The following CYP4X1 variants were observed in gnomAD, a reference collection of about 807,000 sequenced individuals.
CYP4X1 encodes cytochrome P450 family 4 subfamily X member 1, also known as cytochrome P450 4X1.
Under a neutral mutation model 57.9 loss-of-function variants are expected in CYP4X1, and 44 were observed. The observed-to-expected ratio is 0.76, with a 90% CI of 0.60 to 0.98. CYP4X1 has a LOEUF of 0.98. Ranked by LOEUF, CYP4X1 falls within the 50% of genes least tolerant of loss-of-function variation. The pLI is 0.00. For synonymous variants in CYP4X1, 227 were observed against 228.6 expected (o/e 0.99, Z 0.06); for missense variants, 532 against 623.9 (o/e 0.85, Z 1.57).
the CYP4X1 span, among the ~76,000 whole-genome samples, chr1:46,993,679 G>A: frequency 8.7e-3 from 1,313 of 151,786 alleles, 24 homozygotes; most frequent in African/African-American, 0.03. Context: ...TTCTCTGATG[G>A]CCAGTGATGA....
At chr1:46,977,756 A>C in the CYP4X1 span, among the ~76,000 whole-genome samples, 102 of 152,266 alleles carry the variant, frequency 6.7e-4, no homozygotes, top group African/African-American at 2.3e-3. Flanking sequence ...AGGGAAGCCC[A>C]TCAGACTAAC....
the CYP4X1 span, among the ~76,000 whole-genome samples, chr1:46,991,250 G>A: frequency 6.6e-5 from 10 of 152,094 alleles, no homozygotes; most frequent in Admixed American, 2.0e-4. Flanking sequence ...ACTGGCCTAC[G>A]TTAAATTTTA....
chr1:46,975,199 T>C, the CYP4X1 span, among the ~76,000 whole-genome samples: 19 of 152,348 alleles, frequency 1.2e-4, no homozygotes, highest in East Asian at 3.3e-3. Flanking sequence ...ATATGTGCCT[T>C]TGATCCTGTC....
upstream of CYP4X1, among the ~76,000 whole-genome samples, chr1:47,021,080 T>C (rs1374104864): frequency 7.7e-6 from 1 of 130,670 alleles, no homozygotes; most frequent in Non-Finnish European, 1.5e-5. Context: ...TTTTTTGGTA[T>C]CTCCAATTCC....
the CYP4X1 span, among the ~76,000 whole-genome samples, chr1:46,984,931 G>A: frequency 4.1e-4 from 62 of 152,296 alleles, no homozygotes; most frequent in East Asian, 0.011. Context: ...CCACCCCCAC[G>A]GAGCCCAGCA....
intron 8 of CYP4X1, among the ~76,000 whole-genome samples, chr1:47,042,585 T>G (rs1644258521): frequency 6.6e-6 from 1 of 152,126 alleles, no homozygotes; most frequent in African/African-American, 2.4e-5. Flanking sequence ...GTACCCAATT[T>G]GTAGTCTTGT....
chr1:47,030,216 T>C lies in CYP4X1; in HGVS notation c.319+85T>C, dbSNP rs975474482. 7.9e-6 allele frequency: 12 copies of C among 1,514,792 alleles called. No individual in the cohort carries two copies. The Admixed American group carries it at 1.0e-4, about 13-fold the overall frequency. 93.8% of individuals were successfully genotyped at this position (1,514,792 alleles called of 1,614,324 possible). On this transcript the variant is annotated intron_variant, in intron 2 of 11. Coordinates refer to ENST00000371901, the MANE Select transcript of CYP4X1 (RefSeq NM_178033.2). Reference sequence around the variant, plus strand: ...CATAGGCAAGATTCCAAAGCAAAGATTGGTTTGGGGCCTTTAAGAGACACA... The same window carrying C: ...CATAGGCAAGATTCCAAAGCAAAGACTGGTTTGGGGCCTTTAAGAGACACA...
At chr1:47,029,448 G>T (rs1248874038) in intron 1 of CYP4X1, among the ~76,000 whole-genome samples, 2 of 152,154 alleles carry the variant, frequency 1.3e-5, no homozygotes, top group Non-Finnish European at 1.5e-5. Flanking sequence ...TCTGTTGTTG[G>T]GGGGAGAATT....
chr1:47,054,359 T>C (rs1241232566), downstream of CYP4X1, among the ~76,000 whole-genome samples: 6 of 152,190 alleles, frequency 3.9e-5, no homozygotes, highest in Admixed American at 6.5e-5. Flanking sequence ...GCATGATGCC[T>C]CCAGCTTTGT....
At chr1:47,053,844 A>G (rs1644374650), downstream of CYP4X1, among the ~76,000 whole-genome samples, 1 of 152,182 alleles carries the variant, frequency 6.6e-6, no homozygotes, top group South Asian at 2.1e-4. Context: ...GTAGGTTGCA[A>G]AAATTTTCTC....
Position 47,046,537 on chromosome 1 carries a change from C to T in CYP4X1, c.1144C>T (p.Pro382Ser). 3 of 1,614,106 alleles carry T rather than the reference C, an allele frequency of 1.9e-6. No individual in the cohort carries two copies. Among genetic ancestry groups the T allele is most frequent in the Non-Finnish European group, 8.5e-7 (1 of 1,180,028 alleles). ...GACGTGCCGATTGATTCCTGCAGTC[C>T]CGTCCATTTCCAGAGATCTCAGCAA... ...KETCRLIPAV[P>S]SISRDLSKPL... Residue 382 changes from proline to serine, a missense_variant, in exon 9 of 12, where the codon CCG becomes TCG. Coordinates refer to ENST00000371901, the MANE Select transcript of CYP4X1 (RefSeq NM_178033.2).
the CYP4X1 span, among the ~76,000 whole-genome samples, chr1:46,982,272 C>T: frequency 6.6e-6 from 1 of 152,050 alleles, no homozygotes; most frequent in Non-Finnish European, 1.5e-5. Flanking sequence ...TCCTTTGATT[C>T]CTTGGAATGA....
intron 3 of CYP4X1, among the ~76,000 whole-genome samples, chr1:47,032,641 G>T (rs899013343): frequency 1.3e-5 from 2 of 152,144 alleles, no homozygotes; most frequent in African/African-American, 2.4e-5. Context: ...ATTAGCCTTG[G>T]TAAGTATTTC....
chr1:46,985,764 T>C, the CYP4X1 span, among the ~76,000 whole-genome samples: 1 of 152,288 alleles, frequency 6.6e-6, no homozygotes, highest in African/African-American at 2.4e-5. Flanking sequence ...CCAGCAGACC[T>C]GCAGCAGAGA....
At position 47,029,795 on chromosome 1, in the gene CYP4X1, ATAAATACAC is replaced by A. The variant is rs1644106798; in HGVS notation, c.178-191_178-183del. On this transcript the variant is annotated intron_variant, in intron 1 of 11. Coordinates refer to ENST00000371901, the MANE Select transcript of CYP4X1 (RefSeq NM_178033.2). ...TACAGGATATATTAATATTGAGAAG[ATAAATACAC>A]TAACTTTGTTTAGAGAATTATCCCC... 3.3e-5 allele frequency among the ~76,000 whole-genome samples: 5 copies of A among 152,220 alleles called. No individual in the cohort carries two copies. The South Asian group carries it at 1.0e-3, about 32-fold the overall frequency.
the CYP4X1 span, among the ~76,000 whole-genome samples, chr1:46,961,393 T>C: frequency 6.6e-6 from 1 of 152,196 alleles, no homozygotes; most frequent in East Asian, 1.9e-4. Flanking sequence ...TTATTTCAGA[T>C]CCAGCAGATG....
At chr1:47,034,326 T>C (rs116190586) in intron 4 of CYP4X1, among the ~76,000 whole-genome samples, 452 of 152,316 alleles carry the variant, frequency 3.0e-3, no homozygotes, top group African/African-American at 0.01. Flanking sequence ...ACCTACACCT[T>C]TCAAAGGGGC....
intron 8 of CYP4X1, among the ~76,000 whole-genome samples, chr1:47,045,422 C>A (rs1466169122): frequency 6.6e-6 from 1 of 152,184 alleles, no homozygotes; most frequent in Non-Finnish European, 1.5e-5. Flanking sequence ...CTGAGTAAGT[C>A]TCATAGAGTT....
chr1:47,020,893 T>C (rs1643988547), upstream of CYP4X1, among the ~76,000 whole-genome samples: 1 of 152,082 alleles, frequency 6.6e-6, no homozygotes, highest in Non-Finnish European at 1.5e-5. Flanking sequence ...AATGTATGCT[T>C]TTCTTTGGGC....
Sources: gnomAD v4.1 joint callset for allele counts (sites outside exome capture counted in the v4.1 genomes callset) on GRCh38, gnomAD v4.1.1 for gene constraint, MANE v1.5 for transcripts, NCBI Gene and HGNC (gene_info 2026-07-23, HGNC 2026-07-21) for gene names.